PCDHA4: variants seen among roughly 807,000 people sequenced by gnomAD.
The protein encoded by PCDHA4 is protocadherin alpha 4.
A neutral mutation model predicts 61.4 loss-of-function variants in PCDHA4; 49 were observed. That is an observed-to-expected ratio of 0.80 (90% CI 0.63 to 1.01). The LOEUF is 1.01. Ranked by LOEUF, PCDHA4 falls within the 50% of genes least tolerant of loss-of-function variation. PCDHA4 has a pLI of 0.00. For missense variants in PCDHA4, 1,254 were observed against 1,235.8 expected (o/e 1.01, Z -0.22); for synonymous variants, 590 against 550.3 (o/e 1.07, Z -1.01).
intron 1 of PCDHA4, chr5:140,883,596 TG>T (rs1562791192): frequency 7.4e-6 from 12 of 1,613,794 alleles, no homozygotes; most frequent in Non-Finnish European, 1.0e-5. Context: ...AGCGTGTCGG[TG>T]GGGGTGGCCG....
chr5:140,855,092 T>A (rs2043336220), intron 1 of PCDHA4, among the ~76,000 whole-genome samples: 1 of 149,960 alleles, frequency 6.7e-6, no homozygotes, highest in Admixed American at 6.7e-5. Context: ...TCTCAGCCTG[T>A]GCAGTAGCAA....
At chr5:140,913,235 G>A (rs1554195817) in intron 1 of PCDHA4, among the ~76,000 whole-genome samples, 4 of 152,144 alleles carry the variant, frequency 2.6e-5, no homozygotes. Context: ...TTTGCTGGGA[G>A]ACTTTTTGTT....
At position 140,884,619 on chromosome 5, in the gene PCDHA4, A is replaced by C; in HGVS notation, c.2385+75047A>C. ...CTTCCTCCTTGTCTGGGTTCTGCAGAGGGAACAGGCCAGAGGGAGGAGGAC... is the reference window on the plus strand; with the variant it reads ...CTTCCTCCTTGTCTGGGTTCTGCAGCGGGAACAGGCCAGAGGGAGGAGGAC... On this transcript the variant is annotated intron_variant, in intron 1 of 3. Coordinates refer to ENST00000530339, the MANE Select transcript of PCDHA4 (RefSeq NM_018907.4). 3.7e-6 allele frequency: 6 copies of C among 1,614,074 alleles called. No homozygotes were observed. The highest frequency in any genetic ancestry group is 5.1e-6 in the Non-Finnish European group (6 of 1,179,956).
Position 140,874,495 on chromosome 5 carries a change from G to A in PCDHA4, c.2385+64923G>A, listed in dbSNP as rs532074473. 2.0e-5 allele frequency among the ~76,000 whole-genome samples: 3 copies of A among 152,336 alleles called. No homozygotes were observed. The South Asian group carries it at 6.2e-4, about 32-fold the overall frequency. ...AGAAAAAGCAAAAGGTTGATATCAAGTTCACATTCTCTTGACTTTAGTCAA... is the reference window on the plus strand; with the variant it reads ...AGAAAAAGCAAAAGGTTGATATCAAATTCACATTCTCTTGACTTTAGTCAA... On this transcript the variant is annotated intron_variant, in intron 1 of 3. Coordinates refer to ENST00000530339, the MANE Select transcript of PCDHA4 (RefSeq NM_018907.4).
intron 1 of PCDHA4, chr5:140,869,302 G>C (rs985203011): frequency 6.2e-7 from 1 of 1,613,642 alleles, no homozygotes; most frequent in Admixed American, 1.7e-5. Context: ...GTTCCGGGTG[G>C]CGTCCAAAAC....
At chr5:140,875,397 G>T in intron 1 of PCDHA4, 2 of 1,480,686 alleles carry the variant, frequency 1.4e-6, no homozygotes, top group South Asian at 1.4e-5. Flanking sequence ...AGAAAAGGGT[G>T]ACTGCTCATA....
chr5:140,850,425 C>T (rs2150483747), intron 1 of PCDHA4: 2 of 1,597,932 alleles, frequency 1.3e-6, no homozygotes, highest in Non-Finnish European at 8.6e-7. Context: ...GGACGCACCG[C>T]GCCAGCGCCT....
At chr5:140,846,705 G>A (rs1780632800) in intron 1 of PCDHA4, among the ~76,000 whole-genome samples, 1 of 149,244 alleles carries the variant, frequency 6.7e-6, no homozygotes, top group Non-Finnish European at 1.5e-5. Context: ...AGAGAAGATT[G>A]TAATAACCAG....
chr5:140,949,591 T>A (rs1279124605), intron 1 of PCDHA4, among the ~76,000 whole-genome samples: 2 of 151,928 alleles, frequency 1.3e-5, no homozygotes, highest in Non-Finnish European at 2.9e-5. Flanking sequence ...GTGATATTAA[T>A]GTGGCCATTC....
intron 1 of PCDHA4, among the ~76,000 whole-genome samples, chr5:140,885,376 G>T (rs1242393742): frequency 6.6e-6 from 1 of 152,032 alleles, no homozygotes; most frequent in Non-Finnish European, 1.5e-5. Context: ...AGTACCTTTT[G>T]GCAGTCCCTG....
chr5:140,819,545 A>G (rs1002089738), intron 1 of PCDHA4, among the ~76,000 whole-genome samples: 12 of 152,144 alleles, frequency 7.9e-5, no homozygotes, highest in Non-Finnish European at 1.8e-4. Context: ...AATCTGTAAC[A>G]TTTGATTGAA....
intron 1 of PCDHA4, among the ~76,000 whole-genome samples, chr5:140,969,974 A>G (rs11750201): frequency 0.017 from 2,514 of 152,228 alleles, 25 homozygotes; most frequent in Middle Eastern, 0.037. Flanking sequence ...TGATGTGGCA[A>G]CTCTTCTGTA....
At chr5:140,933,663 C>G (rs1340033934) in intron 1 of PCDHA4, among the ~76,000 whole-genome samples, 4 of 152,128 alleles carry the variant, frequency 2.6e-5, no homozygotes, top group African/African-American at 7.2e-5. Context: ...GTCTCTCTCT[C>G]TGTCTCTCTC....
At chr5:140,927,527 C>G in intron 1 of PCDHA4, 1 of 1,614,084 alleles carries the variant, frequency 6.2e-7, no homozygotes, top group African/African-American at 1.3e-5. Context: ...GGGCTACCTG[C>G]CCGCTCAGGA....
At chr5:140,925,932 A>G (rs1202634955) in intron 1 of PCDHA4, among the ~76,000 whole-genome samples, 1 of 150,196 alleles carries the variant, frequency 6.7e-6, no homozygotes, top group African/African-American at 2.5e-5. Flanking sequence ...TCCCAAGTAG[A>G]GCCTCTTGGA....
At chr5:140,821,879 C>T (rs2150111587) in intron 1 of PCDHA4, 2 of 1,614,242 alleles carry the variant, frequency 1.2e-6, no homozygotes, top group Non-Finnish European at 1.7e-6. Flanking sequence ...TACTCGATCC[C>T]GGAGGAAGCC....
chr5:140,941,224 T>TTTCTTTCTTTCTTTCTTTCTTTCC (rs2092912857), intron 1 of PCDHA4, among the ~76,000 whole-genome samples: 1 of 137,372 alleles, frequency 7.3e-6, no homozygotes, highest in Non-Finnish European at 1.6e-5. Context: ...CCTTTCTTTC[T>TTTCTTTCTTTCTTTCTTTCTTTCC]TTCTTTCTTT....
chr5:140,924,915 AT>A (rs1554202358), intron 1 of PCDHA4, among the ~76,000 whole-genome samples: 19 of 127,348 alleles, frequency 1.5e-4, no homozygotes, highest in African/African-American at 5.1e-4. Context: ...ATAAAATAAA[AT>A]AAAATAAAAT....
rs77308266 is a variant in PCDHA4 at position 140,916,313 on chromosome 5, A to C, written c.2386-62636A>C. On this transcript the variant is annotated intron_variant, in intron 1 of 3. Transcript: ENST00000530339. ...GCCAAACTGGTACCAAAGGTGCAAG[A>C]CAAAGTCCCCTTTACTTTTTCCTCT... Among the ~76,000 whole-genome samples the C allele has an allele frequency of 8.0e-3, 1,216 of 152,336 alleles. 6 individuals are homozygous for C. The highest frequency in any genetic ancestry group is 0.019 in the African/African-American group (784 of 41,584).
Sources: gnomAD v4.1 joint callset for allele counts (sites outside exome capture counted in the v4.1 genomes callset) on GRCh38, gnomAD v4.1.1 for gene constraint, MANE v1.5 for transcripts, NCBI Gene and HGNC (gene_info 2026-07-23, HGNC 2026-07-21) for gene names.